The following PSD3 variants were observed in gnomAD, a reference collection of about 807,000 sequenced individuals.
The protein encoded by PSD3 is PH and SEC7 domain-containing protein 3.
PSD3 carries 49 observed loss-of-function variants against 105.5 expected under a neutral mutation model. The ratio of observed to expected loss-of-function variants is 0.46; its 90% CI spans 0.37 to 0.59. The LOEUF (loss-of-function observed/expected upper bound fraction) is 0.59, where lower values mean the gene tolerates loss of function less well. PSD3 is among the 20% of genes least tolerant of loss of function. The pLI is 0.00. For missense variants in PSD3, 1,561 were observed against 1,263.8 expected (o/e 1.24, Z -3.57); for synonymous variants, 557 against 457.8 (o/e 1.22, Z -2.77).
At chr8:19,071,114 C>G (rs1829244103) in intron 1 of PSD3, among the ~76,000 whole-genome samples, 2 of 151,772 alleles carry the variant, frequency 1.3e-5, no homozygotes, top group Non-Finnish European at 2.9e-5. Flanking sequence ...GGCTGGAGAG[C>G]AATGGTGCAA....
At chr8:18,697,945 C>A (rs550478554) in intron 9 of PSD3, among the ~76,000 whole-genome samples, 1 of 152,164 alleles carries the variant, frequency 6.6e-6, no homozygotes, top group South Asian at 2.1e-4. Context: ...ATGGTCCCCC[C>A]AAAGATGTCC....
At chr8:18,581,297 T>A (rs1802800647) in intron 12 of PSD3, among the ~76,000 whole-genome samples, 1 of 152,208 alleles carries the variant, frequency 6.6e-6, no homozygotes, top group Admixed American at 6.5e-5. Flanking sequence ...AATATTTGTC[T>A]TTTCTTCCAT....
chr8:18,885,974 G>T (rs1284288359), intron 2 of PSD3, among the ~76,000 whole-genome samples: 3 of 152,204 alleles, frequency 2.0e-5, no homozygotes, highest in South Asian at 4.1e-4. Context: ...TTCCCTTCAA[G>T]GCTATTCAGA....
intron 1 of PSD3, among the ~76,000 whole-genome samples, chr8:19,038,839 A>C (rs1202312501): frequency 1.3e-5 from 2 of 152,240 alleles, no homozygotes; most frequent in African/African-American, 4.8e-5. Context: ...CAATTAAAAT[A>C]GGTTATCTCA....
intron 2 of PSD3, among the ~76,000 whole-genome samples, chr8:18,916,697 C>T (rs1392039773): frequency 2.0e-5 from 3 of 151,916 alleles, no homozygotes; most frequent in Non-Finnish European, 2.9e-5. Context: ...ATGTATCACA[C>T]ACTTGAAAAT....
intron 1 of PSD3, among the ~76,000 whole-genome samples, chr8:19,004,476 G>A (rs968002780): frequency 1.3e-5 from 2 of 152,004 alleles, no homozygotes; most frequent in Non-Finnish European, 2.9e-5. Flanking sequence ...TCAAAGGTCA[G>A]GAAGAAGAAA....
At chr8:18,818,594 G>T (rs970836934) in intron 4 of PSD3, among the ~76,000 whole-genome samples, 2 of 151,936 alleles carry the variant, frequency 1.3e-5, no homozygotes, top group African/African-American at 4.8e-5. Flanking sequence ...CAGTTATTGG[G>T]CACAAGACAG....
At chr8:18,809,641 G>C (rs1046416345) in intron 4 of PSD3, among the ~76,000 whole-genome samples, 3 of 151,984 alleles carry the variant, frequency 2.0e-5, no homozygotes, top group African/African-American at 4.8e-5. Flanking sequence ...TATTTTATCT[G>C]GCAAAACTTC....
intron 9 of PSD3, among the ~76,000 whole-genome samples, chr8:18,674,145 A>T (rs75705791): frequency 0.051 from 7,284 of 143,618 alleles, 485 homozygotes; most frequent in African/African-American, 0.17. Context: ...AACTTGTCTT[A>T]AAAAAAAAAA....
rs1450839948 is a variant in PSD3, at chr8:19,019,724, CA to C, written c.324+64481del. ...CTAAAATCATGATATGCTTGGATTT[CA>C]AAAGCTCAAGATGAAGCTGAGAGAA... is the stretch of plus-strand genomic sequence containing the variant. On this transcript the variant is annotated intron_variant, in intron 1 of 1. Coordinates refer to the PSD3 transcript ENST00000521475. Among the ~76,000 whole-genome samples the C allele has an allele frequency of 2.6e-5, 4 of 152,140 alleles. No individual in the cohort carries two copies. In the East Asian group the frequency reaches 7.7e-4, roughly 29 times the overall value.
intron 11 of PSD3, among the ~76,000 whole-genome samples, chr8:18,617,480 G>A (rs546517476): frequency 7.9e-5 from 12 of 152,248 alleles, no homozygotes; most frequent in African/African-American, 2.4e-4. Context: ...GCAGTGAGCC[G>A]AGATTGCACC....
At chr8:18,641,040 G>A (rs1217489278) in intron 10 of PSD3, among the ~76,000 whole-genome samples, 1 of 152,156 alleles carries the variant, frequency 6.6e-6, no homozygotes, top group Non-Finnish European at 1.5e-5. Flanking sequence ...CTTTCTGCAG[G>A]TGCCTTGCAC....
intron 4 of PSD3, among the ~76,000 whole-genome samples, chr8:18,862,887 C>T (rs1236738056): frequency 8.0e-6 from 1 of 125,380 alleles, no homozygotes; most frequent in Non-Finnish European, 1.7e-5. Flanking sequence ...GAAATAAGAG[C>T]AAGGCAAAAA....
chr8:18,763,126 T>A, intron 9 of PSD3: 1 of 450,442 alleles, frequency 2.2e-6, no homozygotes, highest in Non-Finnish European at 4.5e-6. Context: ...GCCAAAGAAA[T>A]CTGAACAGAC....
At chr8:18,736,758 T>C (rs1012130551) in intron 9 of PSD3, among the ~76,000 whole-genome samples, 1 of 152,234 alleles carries the variant, frequency 6.6e-6, no homozygotes, top group African/African-American at 2.4e-5. Flanking sequence ...TGCTGAATCA[T>C]AGAAGTAATC....
chr8:18,668,040 A>G (rs534401397), intron 9 of PSD3, among the ~76,000 whole-genome samples: 18 of 152,230 alleles, frequency 1.2e-4, no homozygotes, highest in African/African-American at 4.1e-4. Context: ...TCCGCGCGCA[A>G]CCCGGGTTCC....
intron 12 of PSD3, among the ~76,000 whole-genome samples, chr8:18,593,871 A>G (rs1366398639): frequency 4.0e-5 from 6 of 149,472 alleles, no homozygotes; most frequent in African/African-American, 1.2e-4. Context: ...AACTATCACA[A>G]GGACAAAAAA....
At chr8:18,770,264 T>C (rs1230504401) in intron 8 of PSD3, among the ~76,000 whole-genome samples, 4 of 152,256 alleles carry the variant, frequency 2.6e-5, no homozygotes, top group African/African-American at 7.2e-5. Flanking sequence ...TCCATTTGCA[T>C]GTCTTCTTTA....
chr8:18,656,777 G>C (rs140356048), intron 9 of PSD3, among the ~76,000 whole-genome samples: 1 of 152,014 alleles, frequency 6.6e-6, no homozygotes, highest in Non-Finnish European at 1.5e-5. Flanking sequence ...GACTATTCAT[G>C]ACCATGATAA....
Sources: gnomAD v4.1 joint callset for allele counts (sites outside exome capture counted in the v4.1 genomes callset) on GRCh38, gnomAD v4.1.1 for gene constraint, MANE v1.5 for transcripts, NCBI Gene and HGNC (gene_info 2026-07-23, HGNC 2026-07-21) for gene names.